Variants in PLCZ1 observed in about 807,000 individuals in gnomAD.
PLCZ1 encodes the protein phospholipase C zeta 1, also known as 1-phosphatidylinositol 4,5-bisphosphate phosphodiesterase zeta-1.
In PLCZ1, 64 loss-of-function variants were observed where a neutral mutation model predicts 76.8. The ratio of observed to expected loss-of-function variants is 0.83; its 90% CI spans 0.68 to 1.03. PLCZ1 has a LOEUF of 1.03. PLCZ1 is among the 50% of genes least tolerant of loss of function. PLCZ1 has a pLI of 0.00. For missense variants in PLCZ1, 751 were observed against 713.7 expected, an observed-to-expected ratio of 1.05 and a Z score of -0.60; for synonymous variants, 248 against 230.8, an observed-to-expected ratio of 1.07 and a Z score of -0.68.
rs1028550672 is a variant in PLCZ1 at position 18,693,799 on chromosome 12, T to C, written c.1461+1111A>G. 8.6e-6 allele frequency: 13 copies of C among 1,516,062 alleles called. No homozygotes were observed. In the African/African-American group the frequency reaches 1.8e-4, roughly 21 times the overall value. 93.9% of individuals were successfully genotyped at this position (1,516,062 alleles called of 1,614,324 possible). ...AAATAGAAACTTTGGATCCAGCGCT[T>C]ATCAGACCAGGCCGCATTGGCAGGA... On this transcript the variant is annotated intron_variant, in intron 12 of 14. Transcript: ENST00000266505.
At chr12:18,678,776 G>A (rs58559545), downstream of PLCZ1, among the ~76,000 whole-genome samples, 5,901 of 152,048 alleles carry the variant, frequency 0.039, 382 homozygotes, top group African/African-American at 0.14. Context: ...CCAGTTTGGG[G>A]TTATTATAAA....
intron 5 of PLCZ1, 74 bp downstream of exon 5, chr12:18,719,357 G>T: frequency 1.2e-6 from 1 of 828,950 alleles, no homozygotes; most frequent in Non-Finnish European, 1.7e-6. Context: ...GTGCACTCTT[G>T]CCTACTGAGG....
At chr12:18,656,145 T>A in the PLCZ1 span, among the ~76,000 whole-genome samples, 2 of 152,012 alleles carry the variant, frequency 1.3e-5, no homozygotes, top group African/African-American at 4.8e-5. Context: ...AAACAGCAAA[T>A]ATGCTGGGCA....
chr12:18,737,386 T>G lies in PLCZ1; in HGVS notation c.-15A>C. ...CTCATTTCCATAGTTTCATGACCTG[T>G]AGAGCCGTTTCTCCTCACTTAGAAG... On this transcript the variant is annotated 5_prime_UTR_variant, in exon 2 of 15. Transcript: ENST00000266505. 3 of 1,613,882 alleles carry G rather than the reference T, an allele frequency of 1.9e-6. No homozygotes were observed. The highest frequency in any genetic ancestry group is 1.6e-4 in the Middle Eastern group (1 of 6,062).
Position 18,695,053 on chromosome 12 carries a change from G to C in PLCZ1, c.1318C>G (p.Leu440Val). The part of the protein sequence containing the change: ...MVALNFQTPG[L>V]PMDLQNGKFL... ...TTCCCATTTTGCAGATCCATGGGCA[G>C]ACCAGGGGTCTGGAAATTTAAAGCC... The change falls in exon 12 of 15, where the codon CTG becomes GTG. Residue 440 changes from leucine to valine, a missense_variant. Leu to Val is a conservative substitution (Grantham distance 32). Transcript: ENST00000266505. 6.2e-7 allele frequency: 1 copy of C among 1,613,122 alleles called. No individual in the cohort carries two copies. Among genetic ancestry groups the C allele is most frequent in the Non-Finnish European group, 8.5e-7 (1 of 1,179,366 alleles).
the PLCZ1 span, among the ~76,000 whole-genome samples, chr12:18,661,840 T>C: frequency 2.8e-4 from 42 of 152,156 alleles, no homozygotes; most frequent in African/African-American, 9.9e-4. Flanking sequence ...ATATTCACAA[T>C]AGCAAAGACA....
chr12:18,699,732 A>C (rs1214630766), intron 10 of PLCZ1, 62 bp downstream of exon 10: 7 of 1,467,344 alleles, frequency 4.8e-6, no homozygotes, highest in Non-Finnish European at 6.7e-6. Context: ...AGCAATCTTA[A>C]CACCCTAGCA....
At chr12:18,688,387 C>T (rs761491773) in intron 12 of PLCZ1, among the ~76,000 whole-genome samples, 169 bp from the exon 13 acceptor site, 6 of 151,996 alleles carry the variant, frequency 3.9e-5, no homozygotes, top group Non-Finnish European at 5.9e-5. Context: ...CTTTTATCCT[C>T]AGTTATCAGT....
At chr12:18,732,144 C>T (rs1005458862) in intron 3 of PLCZ1, among the ~76,000 whole-genome samples, 3 of 151,824 alleles carry the variant, frequency 2.0e-5, no homozygotes, top group Non-Finnish European at 2.9e-5. Context: ...CCAAAAGTTT[C>T]CTTCTGCCCT....
chr12:18,693,579 G>A lies in PLCZ1; in HGVS notation c.1461+1331C>T, dbSNP rs140632380. On this transcript the variant is annotated intron_variant, in intron 12 of 14. Transcript: ENST00000266505. ...CTAGGTGATGGGCCCAAACTCGGAC[G>A]GGAATTGTTTCGAGTTGCTGAAGAA... is the stretch of plus-strand genomic sequence containing the variant. 2,023 of 1,596,738 alleles carry A rather than the reference G, an allele frequency of 1.3e-3. 24 individuals are homozygous for A. The African/African-American group carries it at 0.024, about 19-fold the overall frequency.
intron 3 of PLCZ1, 101 bp from the exon 4 acceptor site, chr12:18,723,643 G>A (rs1958584696): frequency 1.1e-6 from 1 of 945,828 alleles, no homozygotes; most frequent in Non-Finnish European, 1.6e-6. Context: ...ATACTTGAAA[G>A]AAGATGAAAA....
At chr12:18,723,671 T>C (rs1958585723) in intron 3 of PLCZ1, 129 bp from the exon 4 acceptor site, 1 of 831,498 alleles carries the variant, frequency 1.2e-6, no homozygotes, top group African/African-American at 1.7e-5. Context: ...GGATTCTTAT[T>C]GAAGATAAAA....
At chr12:18,709,121 T>A (rs927336792) in intron 6 of PLCZ1, among the ~76,000 whole-genome samples, 5 of 152,176 alleles carry the variant, frequency 3.3e-5, no homozygotes, top group Non-Finnish European at 5.9e-5. Flanking sequence ...TCTCCTATGT[T>A]CCCTTTTAGG....
At chr12:18,732,092 A>G (rs1959080109) in intron 3 of PLCZ1, among the ~76,000 whole-genome samples, 1 of 152,132 alleles carries the variant, frequency 6.6e-6, no homozygotes, top group Non-Finnish European at 1.5e-5. Context: ...TACAGCCATG[A>G]ATTTATCAAC....
At chr12:18,664,774 T>A in the PLCZ1 span, among the ~76,000 whole-genome samples, 2 of 151,168 alleles carry the variant, frequency 1.3e-5, no homozygotes, top group Admixed American at 6.6e-5. Context: ...CCAACAATGA[T>A]AGACTGGATT....
chr12:18,648,507 T>G, the PLCZ1 span: 1 of 175,714 alleles, frequency 5.7e-6, no homozygotes, highest in East Asian at 1.0e-4. Flanking sequence ...AATTGGTATA[T>G]TTCAGCAGAA....
At chr12:18,660,100 T>G in the PLCZ1 span, among the ~76,000 whole-genome samples, 1 of 152,080 alleles carries the variant, frequency 6.6e-6, no homozygotes, top group Non-Finnish European at 1.5e-5. Flanking sequence ...GGTAAATATT[T>G]TGGAATCTTG....
At chr12:18,728,743 G>C (rs1242124961) in intron 3 of PLCZ1, among the ~76,000 whole-genome samples, 2 of 152,172 alleles carry the variant, frequency 1.3e-5, no homozygotes, top group Non-Finnish European at 2.9e-5. Context: ...AAGCAAAACA[G>C]ATTGCAATGG....
chr12:18,722,543 C>T (rs1287145966), intron 4 of PLCZ1, among the ~76,000 whole-genome samples: 1 of 151,998 alleles, frequency 6.6e-6, no homozygotes, highest in Non-Finnish European at 1.5e-5. Context: ...TTGAGCTATT[C>T]TATCAGTTAG....
Sources: gnomAD v4.1 joint callset for allele counts (sites outside exome capture counted in the v4.1 genomes callset) on GRCh38, gnomAD v4.1.1 for gene constraint, MANE v1.5 for transcripts, NCBI Gene and HGNC (gene_info 2026-07-23, HGNC 2026-07-21) for gene names.